SNW1: variants seen among roughly 807,000 people sequenced by gnomAD.
SNW1 encodes SNW domain containing 1.
Under a neutral mutation model 75.6 loss-of-function variants are expected in SNW1, and 9 were observed. That is an observed-to-expected ratio of 0.12 (90% CI 0.07 to 0.21). SNW1 has a LOEUF of 0.21. Among genes scored for constraint, SNW1 ranks in the 10% least tolerant of loss-of-function variants. The pLI, the probability that SNW1 is intolerant of heterozygous loss-of-function variation, is 1.00. For missense variants in SNW1, 409 were observed against 670.9 expected, an observed-to-expected ratio of 0.61 and a Z score of 4.31; for synonymous variants, 200 against 219.1, an observed-to-expected ratio of 0.91 and a Z score of 0.77.
At chr14:77,761,018 C>T (rs1437179161) in intron 1 of SNW1, 96 bp downstream of exon 1, 2 of 1,614,052 alleles carry the variant, frequency 1.2e-6, no homozygotes, top group South Asian at 1.1e-5. Flanking sequence ...TTCTGTGCCC[C>T]GGGTCAGGTC....
chr14:77,733,572 C>T (rs970892377), intron 8 of SNW1, among the ~76,000 whole-genome samples: 14 of 151,506 alleles, frequency 9.2e-5, no homozygotes, highest in Non-Finnish European at 1.9e-4. Context: ...GGTGAAACCC[C>T]GTCTCTACCA....
chr14:77,758,315 C>CAAAAAA (rs55707854), intron 1 of SNW1, among the ~76,000 whole-genome samples: 4,021 of 83,256 alleles, frequency 0.048, 397 homozygotes, highest in East Asian at 0.14. Context: ...GACTCTGCCA[C>CAAAAAA]AAAAAAAAAA....
At chr14:77,735,874 G>C (rs1402405494) in intron 7 of SNW1, 63 bp downstream of exon 7, 2 of 1,249,350 alleles carry the variant, frequency 1.6e-6, no homozygotes, top group Non-Finnish European at 2.3e-6. Flanking sequence ...GGCATAGGGA[G>C]GTTATCTATA....
intron 5 of SNW1, among the ~76,000 whole-genome samples, 176 bp from the exon 6 acceptor site, chr14:77,737,251 TTA>T (rs1254825691): frequency 6.6e-6 from 1 of 152,210 alleles, no homozygotes; most frequent in African/African-American, 2.4e-5. Flanking sequence ...AGAACATAAA[TTA>T]TGAGTTACAG....
intron 3 of SNW1, among the ~76,000 whole-genome samples, chr14:77,739,758 T>C (rs1357082869): frequency 2.6e-5 from 4 of 152,174 alleles, no homozygotes; most frequent in African/African-American, 4.8e-5. Flanking sequence ...TCTTAACAAA[T>C]AGAATACTGG....
intron 3 of SNW1, 89 bp downstream of exon 3, chr14:77,751,229 TA>T: frequency 2.2e-6 from 3 of 1,336,142 alleles, no homozygotes; most frequent in Non-Finnish European, 3.1e-6. Context: ...ACTTTTAACA[TA>T]ATTCAAACAG....
At chr14:77,723,365 A>T in intron 10 of SNW1, 88 bp from the exon 11 acceptor site, 1 of 998,174 alleles carries the variant, frequency 1.0e-6, no homozygotes, top group Non-Finnish European at 1.6e-6. Context: ...AATTTTTTAA[A>T]AAGAGACAGC....
chr14:77,718,454 T>A lies in SNW1; in HGVS notation c.1325A>T (p.Asp442Val), dbSNP rs2080508382. The A allele has an allele frequency of 1.9e-6, 3 of 1,614,110 alleles. No homozygotes were observed. The highest frequency in any genetic ancestry group is 2.5e-6 in the Non-Finnish European group (3 of 1,179,964). ...GGGCCTATAAATACTCTGGGCCATA[T>A]CTTTACCACCTCTCCAGGCTTGATC... ...VYDQAWRGGK[D>V]MAQSIYRPSK... Residue 442 changes from aspartate to valine, a missense_variant, in exon 13 of 14, where the codon GAT (aspartate) becomes GTT (valine). Coordinates refer to ENST00000261531, the MANE Select transcript of SNW1 (RefSeq NM_012245.3).
At chr14:77,753,182 A>T (rs915864112) in intron 2 of SNW1, among the ~76,000 whole-genome samples, 1 of 152,226 alleles carries the variant, frequency 6.6e-6, no homozygotes, top group Admixed American at 6.5e-5. Context: ...ATTTTCAAAT[A>T]AGTTGTTCTG....
intron 2 of SNW1, among the ~76,000 whole-genome samples, chr14:77,753,944 T>G (rs537988376): frequency 3.4e-4 from 51 of 151,852 alleles, no homozygotes; most frequent in Non-Finnish European, 7.1e-4. Flanking sequence ...CGGAGCGAGA[T>G]TCCATCCCAA....
At chr14:77,729,472 C>T (rs1011831146) in intron 10 of SNW1, among the ~76,000 whole-genome samples, 1 of 152,186 alleles carries the variant, frequency 6.6e-6, no homozygotes, top group Admixed American at 6.5e-5. Context: ...AAGGCATTAG[C>T]CCATGCCCAT....
At position 77,732,057 on chromosome 14, in the gene SNW1, AT is replaced by A. The variant is rs2080631687; in HGVS notation, c.891+427del. ...AGCCTAATTCCATAATATTTAATAC[AT>A]TATGTAACATTAATAGATGGCCAAT... is the stretch of plus-strand genomic sequence containing the variant. On this transcript the variant is annotated intron_variant, in intron 9 of 13. Coordinates refer to ENST00000261531, the MANE Select transcript of SNW1 (RefSeq NM_012245.3). Among the ~76,000 whole-genome samples, 2 of 152,206 alleles carry A rather than the reference AT, an allele frequency of 1.3e-5. 1 individual carries two copies. Among genetic ancestry groups the A allele is most frequent in the South Asian group, 4.1e-4 (2 of 4,832 alleles).
intron 3 of SNW1, among the ~76,000 whole-genome samples, chr14:77,742,267 C>A (rs2080725070): frequency 6.6e-6 from 1 of 152,040 alleles, no homozygotes; most frequent in South Asian, 2.1e-4. Context: ...ATCTCCTGAC[C>A]TCAGGCGATC....
chr14:77,732,434 G>A (rs2080634877), intron 9 of SNW1, 51 bp downstream of exon 9: 2 of 1,005,186 alleles, frequency 2.0e-6, no homozygotes, highest in Admixed American at 1.7e-5. Context: ...AGGTAACCAA[G>A]AATGGATTTT....
At chr14:77,742,029 C>T (rs1347192175) in intron 3 of SNW1, among the ~76,000 whole-genome samples, 6 of 151,114 alleles carry the variant, frequency 4.0e-5, no homozygotes, top group Admixed American at 2.6e-4. Context: ...AATTATAAAA[C>T]CCCCCATTTT....
chr14:77,760,018 C>T (rs1299627837), intron 1 of SNW1, among the ~76,000 whole-genome samples: 2 of 152,008 alleles, frequency 1.3e-5, no homozygotes, highest in Non-Finnish European at 2.9e-5. Flanking sequence ...AACTCTCCAG[C>T]CCACATAACT....
chr14:77,738,715 C>T, intron 5 of SNW1, 63 bp downstream of exon 5: 1 of 1,223,138 alleles, frequency 8.2e-7, no homozygotes, highest in Non-Finnish European at 1.2e-6. Context: ...TGAAAGAATA[C>T]CATGACCCCC....
chr14:77,733,258 T>C (rs1001081610), intron 8 of SNW1, among the ~76,000 whole-genome samples: 1 of 151,956 alleles, frequency 6.6e-6, no homozygotes, highest in African/African-American at 2.4e-5. Flanking sequence ...TCTGGAAAAA[T>C]AGATATTTGT....
chr14:77,738,161 GC>G (rs992708264), intron 5 of SNW1, among the ~76,000 whole-genome samples: 1 of 151,770 alleles, frequency 6.6e-6, no homozygotes, highest in African/African-American at 2.4e-5. Flanking sequence ...ACAAAAATTA[GC>G]CAGGTATGGT....
Sources: allele counts gnomAD v4.1 joint callset (sites outside exome capture counted in the v4.1 genomes callset), GRCh38; gene constraint gnomAD v4.1.1; transcripts MANE v1.5; gene names NCBI Gene and HGNC (gene_info 2026-07-23, HGNC 2026-07-21).